Variants in MYH14 observed in about 807,000 individuals in gnomAD.
MYH14 encodes myosin heavy chain 14.
In MYH14, 123 loss-of-function variants were observed where a neutral mutation model predicts 255.5. The ratio of observed to expected loss-of-function variants is 0.48; its 90% confidence interval spans 0.42 to 0.56. The LOEUF (loss-of-function observed/expected upper bound fraction) is 0.56. MYH14 is among the 20% of genes least tolerant of loss of function. The probability of loss-of-function intolerance (pLI) is 0.00; values close to 1 mark genes in which losing one functional copy is unlikely to be tolerated. For missense variants in MYH14, 2,423 were observed against 2,802.3 expected, an observed-to-expected ratio of 0.86 and a Z score of 3.06; for synonymous variants, 1,095 against 1,161.2, an observed-to-expected ratio of 0.94 and a Z score of 1.16.
At chr19:50,303,180 A>C (rs550234338) in intron 40 of MYH14, among the ~76,000 whole-genome samples, 1 of 151,956 alleles carries the variant, frequency 6.6e-6, no homozygotes, top group African/African-American at 2.4e-5. Context: ...GGTGGGCTTC[A>C]CTCATCATCC....
chr19:50,260,821 A>C (rs1350799972), intron 20 of MYH14, 106 bp downstream of exon 20: 9 of 765,128 alleles, frequency 1.2e-5, no homozygotes, highest in South Asian at 6.1e-5. Context: ...GTGTGTGTGC[A>C]AGTGTGTGTG....
At chr19:50,284,114 A>G (rs1344770371) in intron 33 of MYH14, among the ~76,000 whole-genome samples, 6 of 152,044 alleles carry the variant, frequency 3.9e-5, no homozygotes, top group Non-Finnish European at 5.9e-5. Flanking sequence ...AAAAAAAAAG[A>G]AAGAAGTTAT....
intron 10 of MYH14, among the ~76,000 whole-genome samples, chr19:50,241,951 C>T (rs953629623): frequency 2.6e-5 from 4 of 152,200 alleles, no homozygotes; most frequent in Non-Finnish European, 2.9e-5. Context: ...ACCACCACAC[C>T]GCACCAAGCC....
At chr19:50,206,065 C>T (rs533894547) in intron 1 of MYH14, among the ~76,000 whole-genome samples, 1 of 152,272 alleles carries the variant, frequency 6.6e-6, no homozygotes, top group East Asian at 1.9e-4. Flanking sequence ...AAGGGTAGGG[C>T]AGTCAGAGAG....
At chr19:50,229,074 C>T (rs940567425) in intron 8 of MYH14, among the ~76,000 whole-genome samples, 13 of 152,286 alleles carry the variant, frequency 8.5e-5, no homozygotes, top group African/African-American at 1.2e-4. Context: ...CTATCACCCC[C>T]GCTTCACAGA....
At chr19:50,263,633 A>G (rs893245125) in intron 22 of MYH14, among the ~76,000 whole-genome samples, 1 of 152,180 alleles carries the variant, frequency 6.6e-6, no homozygotes, top group Admixed American at 6.6e-5. Context: ...ATTCAAGACA[A>G]TGTGGGCTGC....
chr19:50,217,650 G>C lies in MYH14; in HGVS notation c.441G>C (p.Pro147=), dbSNP rs201657201. 6 of 1,613,808 alleles carry C rather than the reference G, an allele frequency of 3.7e-6. No individual in the cohort carries two copies. In the East Asian group the frequency reaches 1.3e-4, roughly 36 times the overall value. Residue 147 remains proline (P), a synonymous_variant, in exon 3 of 43, where the codon CCG becomes CCC. Transcript: ENST00000642316. ...YSGLFCVVIN[P]YKQLPIYTEA... is the part of the protein sequence containing the mutation. ...GCCTTTTCTGTGTGGTCATCAACCC[G>C]TACAAGCAGCTTCCCATCTACACAG... is the stretch of plus-strand genomic sequence containing the variant.
At chr19:50,272,489 G>A (rs1335724599) in intron 26 of MYH14, 71 bp from the exon 27 acceptor site, 1 of 1,505,684 alleles carries the variant, frequency 6.6e-7, no homozygotes, top group East Asian at 2.5e-5. Context: ...CTGGGGACCT[G>A]TGGTCTCTGT....
intron 25 of MYH14, 48 bp from the exon 26 acceptor site, chr19:50,271,801 C>T: frequency 1.2e-6 from 2 of 1,609,520 alleles, no homozygotes; most frequent in South Asian, 2.2e-5. Flanking sequence ...AAGGGCTGCT[C>T]CTGGCCCAAC....
Position 50,279,659 on chromosome 19 carries a change from C to T in MYH14, c.4033-378C>T, listed in dbSNP as rs531182081. ...AAAAAAACCCCAAAAAACAACAGCA[C>T]GCAATAGATCCATATACCTTTCTAT... On this transcript the variant is annotated intron_variant, in intron 30 of 42. Transcript: ENST00000642316. Among the ~76,000 whole-genome samples, 36 of 152,332 alleles carry T rather than the reference C, an allele frequency of 2.4e-4. No homozygotes were observed. In the South Asian group the frequency reaches 4.3e-3, roughly 18 times the overall value.
rs1169153960 is a variant in MYH14 at position 50,252,788 on chromosome 19, G to A, written c.1945+35G>A. ...CACTTCCCCCACCCCGGCTCTAGGG[G>A]TCTGTGCGGCCATTCTCCAAATCCA... On this transcript the variant is annotated intron_variant, in intron 16 of 42. Coordinates refer to ENST00000642316, the MANE Select transcript of MYH14 (RefSeq NM_001145809.2). The surrounding 1 kb of genome is among the most constrained non-coding windows in gnomAD (Gnocchi z 4.2). 4.1e-6 allele frequency: 6 copies of A among 1,455,628 alleles called. No homozygotes were observed. The highest frequency in any genetic ancestry group is 5.7e-6 in the Non-Finnish European group (6 of 1,060,228). The allele number at this position is 1,455,628 out of a possible 1,614,324, so 90.2% of individuals were successfully genotyped here.
At chr19:50,218,595 C>G (rs4802667) in intron 3 of MYH14, among the ~76,000 whole-genome samples, 35,723 of 137,930 alleles carry the variant, frequency 0.26, 4,969 homozygotes, top group South Asian at 0.42. Flanking sequence ...GAGACTCTGT[C>G]TCAAAAAAAA....
At chr19:50,237,327 AT>A (rs113618588) in intron 10 of MYH14, among the ~76,000 whole-genome samples, 14,554 of 142,260 alleles carry the variant, frequency 0.1, 1,135 homozygotes, top group African/African-American at 0.22. Context: ...AGGTGTGAAC[AT>A]TTTTTTTTTT....
At chr19:50,204,225 G>A in intron 1 of MYH14, among the ~76,000 whole-genome samples, 1 of 152,186 alleles carries the variant, frequency 6.6e-6, no homozygotes. Flanking sequence ...AGAGGGGAAG[G>A]CTGAGACTGG....
Position 50,247,054 on chromosome 19 carries a change from C to G in MYH14, c.1261C>G (p.Arg421Gly). ...LLGLGVTDFS[R>G]ALLTPRIKVG... is the part of the protein sequence containing the mutation. ...GGGACTGGGGGTGACGGATTTCTCC[C>G]GAGCCTTGCTCACCCCTCGCATCAA... The change falls in exon 12 of 43, where the codon CGA becomes GGA. Residue 421 changes from arginine to glycine, a missense_variant. Arg to Gly is a moderately radical substitution (Grantham distance 125). Around this residue, in one of 3 missense-constraint regions of MYH14, gnomAD observed 672 missense variants for 881.8 expected, o/e 0.76. Transcript: ENST00000642316. The G allele has an allele frequency of 6.2e-7, 1 of 1,613,388 alleles. No individual in the cohort carries two copies. Among genetic ancestry groups the G allele is most frequent in the Non-Finnish European group, 8.5e-7 (1 of 1,179,714 alleles).
rs1202191160 is a variant in MYH14, at chr19:50,210,655, A to G, written c.290A>G (p.Gln97Arg). 6.4e-7 allele frequency: 1 copy of G among 1,571,582 alleles called. No homozygotes were observed. The highest frequency in any genetic ancestry group is 1.2e-5 in the South Asian group (1 of 85,814). ...RRLRLPRDQI[Q>R]RMNPPKFSKA... is the part of the protein sequence containing the mutation. Reference sequence around the variant, plus strand: ...CTGCGACTGCCGCGGGACCAGATCCAGCGCATGAACCCGCCCAAGTTCAGC... The same window carrying G: ...CTGCGACTGCCGCGGGACCAGATCCGGCGCATGAACCCGCCCAAGTTCAGC... The change falls in exon 2 of 43, where the codon CAG (glutamine) becomes CGG (arginine). Residue 97 changes from glutamine (Q) to arginine (R), a missense_variant. This residue lies in a region of MYH14 where 238 missense variants were observed against 245.8 expected (regional missense o/e 0.97). Coordinates refer to ENST00000642316, the MANE Select transcript of MYH14 (RefSeq NM_001145809.2).
chr19:50,288,343 A>G (rs1190011613), intron 34 of MYH14, among the ~76,000 whole-genome samples: 1 of 152,170 alleles, frequency 6.6e-6, no homozygotes, highest in Non-Finnish European at 1.5e-5. Flanking sequence ...GCTTTTAGCC[A>G]GGCCTGGAGA....
chr19:50,289,737 C>T, intron 35 of MYH14, 89 bp downstream of exon 35: 4 of 1,178,738 alleles, frequency 3.4e-6, no homozygotes, highest in Non-Finnish European at 3.6e-6. Flanking sequence ...CAAGGGGTCT[C>T]CCCGACCCAC....
intron 39 of MYH14, among the ~76,000 whole-genome samples, chr19:50,295,211 G>C (rs2036225282): frequency 6.6e-6 from 1 of 151,952 alleles, no homozygotes; most frequent in African/African-American, 2.4e-5. Context: ...TGTAGTCCCA[G>C]CTACTCGGGA....
Sources: allele counts gnomAD v4.1 joint callset (sites outside exome capture counted in the v4.1 genomes callset), GRCh38; gene constraint gnomAD v4.1.1; regional missense constraint gnomAD v4.1.1; non-coding constraint Gnocchi (gnomAD v3.1); transcripts MANE v1.5; gene names NCBI Gene and HGNC (gene_info 2026-07-23, HGNC 2026-07-21).